CTIF: variants seen among roughly 807,000 people sequenced by gnomAD.
The protein encoded by CTIF is CBP80/20-dependent translation initiation factor.
In CTIF, 21 loss-of-function variants were observed where a neutral mutation model predicts 66.0. The ratio of observed to expected loss-of-function variants is 0.32; its 90% CI spans 0.23 to 0.46. The LOEUF is 0.46. Among genes scored for constraint, CTIF ranks in the 20% least tolerant of loss-of-function variants. The probability of loss-of-function intolerance (pLI) is 1.00; values close to 1 mark genes in which losing one functional copy is unlikely to be tolerated. For synonymous variants in CTIF, 345 were observed against 326.4 expected (o/e 1.06, Z -0.62); for missense variants, 739 against 812.7 (o/e 0.91, Z 1.10).
chr18:48,548,786 T>C (rs1015320885), intron 1 of CTIF, among the ~76,000 whole-genome samples: 3 of 152,240 alleles, frequency 2.0e-5, no homozygotes, highest in African/African-American at 7.2e-5. Flanking sequence ...CTCAGTTTAG[T>C]GGACACACAT....
chr18:48,784,774 G>A (rs1911556506), intron 9 of CTIF, among the ~76,000 whole-genome samples: 1 of 152,116 alleles, frequency 6.6e-6, no homozygotes, highest in Non-Finnish European at 1.5e-5. Flanking sequence ...GAGGTGGGGG[G>A]ACTACCTGTA....
At chr18:48,615,848 G>T (rs1184922730) in intron 1 of CTIF, among the ~76,000 whole-genome samples, 2 of 152,230 alleles carry the variant, frequency 1.3e-5, no homozygotes, top group Non-Finnish European at 2.9e-5. Flanking sequence ...CACTAGAGTA[G>T]AAGGAATGGC....
intron 9 of CTIF, among the ~76,000 whole-genome samples, chr18:48,764,187 C>T (rs934915945): frequency 1.3e-5 from 2 of 152,224 alleles, no homozygotes; most frequent in African/African-American, 4.8e-5. Flanking sequence ...TGGCCCTTCT[C>T]CTGTCCCAGC....
intron 6 of CTIF, among the ~76,000 whole-genome samples, chr18:48,672,598 G>T (rs1246845445): frequency 6.6e-6 from 1 of 152,150 alleles, no homozygotes; most frequent in African/African-American, 2.4e-5. Flanking sequence ...GCTTCCTAGA[G>T]ACTTTCTTAG....
At chr18:48,660,361 C>T (rs1315100179) in intron 3 of CTIF, among the ~76,000 whole-genome samples, 1 of 152,252 alleles carries the variant, frequency 6.6e-6, no homozygotes, top group African/African-American at 2.4e-5. Flanking sequence ...CCCCAGGCTT[C>T]TGTTTTTCAC....
At position 48,617,700 on chromosome 18, in the gene CTIF, T is replaced by C. The variant is rs967104773; in HGVS notation, c.-28-1838T>C. Reference sequence around the variant, plus strand: ...TGCCTGTGGCCCTTGCCACCAGATGTGCATAGCCCAATCCCAGCTGACTCC... The same window carrying C: ...TGCCTGTGGCCCTTGCCACCAGATGCGCATAGCCCAATCCCAGCTGACTCC... On this transcript the variant is annotated intron_variant, in intron 1 of 11. Coordinates refer to ENST00000256413, the MANE Select transcript of CTIF (RefSeq NM_014772.3). Among the ~76,000 whole-genome samples, 8 of 152,340 alleles carry C rather than the reference T, an allele frequency of 5.3e-5. No individual in the cohort carries two copies. In the South Asian group the frequency reaches 8.3e-4, roughly 16 times the overall value.
At chr18:48,667,688 C>T (rs1486822456) in intron 5 of CTIF, among the ~76,000 whole-genome samples, 1 of 152,244 alleles carries the variant, frequency 6.6e-6, no homozygotes, top group Non-Finnish European at 1.5e-5. Context: ...CCAGCCACAC[C>T]TGTGTCACCA....
chr18:48,740,142 G>A (rs1319925839), intron 7 of CTIF, among the ~76,000 whole-genome samples: 1 of 152,208 alleles, frequency 6.6e-6, no homozygotes, highest in Non-Finnish European at 1.5e-5. Context: ...CAAAGCCAGG[G>A]CCTGGATGCA....
intron 10 of CTIF, among the ~76,000 whole-genome samples, chr18:48,831,100 G>T (rs1478115344): frequency 6.6e-6 from 1 of 152,262 alleles, no homozygotes; most frequent in Non-Finnish European, 1.5e-5. Context: ...AGTGAGCAGA[G>T]TGGGGCTGGC....
At chr18:48,693,448 C>A (rs2091961751) in intron 6 of CTIF, among the ~76,000 whole-genome samples, 1 of 152,182 alleles carries the variant, frequency 6.6e-6, no homozygotes, top group Non-Finnish European at 1.5e-5. Flanking sequence ...GGAGTGGGAC[C>A]TGGGCATCGA....
chr18:48,825,325 G>A (rs563837388), intron 10 of CTIF, among the ~76,000 whole-genome samples: 2 of 152,232 alleles, frequency 1.3e-5, no homozygotes, highest in African/African-American at 4.8e-5. Context: ...TGTCTCTGAG[G>A]GGTGCCCCCA....
At chr18:48,718,358 A>G (rs968370396) in intron 7 of CTIF, among the ~76,000 whole-genome samples, 1 of 152,226 alleles carries the variant, frequency 6.6e-6, no homozygotes, top group Non-Finnish European at 1.5e-5. Flanking sequence ...GAGATGTATC[A>G]TGGGAATTGG....
intron 6 of CTIF, among the ~76,000 whole-genome samples, chr18:48,690,565 A>G (rs962965455): frequency 6.6e-6 from 1 of 152,144 alleles, no homozygotes; most frequent in African/African-American, 2.4e-5. Context: ...TGAGTACAGA[A>G]GGGCCAGGTC....
At chr18:48,614,381 C>T (rs1227377742) in intron 1 of CTIF, among the ~76,000 whole-genome samples, 1 of 152,210 alleles carries the variant, frequency 6.6e-6, no homozygotes, top group Non-Finnish European at 1.5e-5. Flanking sequence ...TAAACAGGGA[C>T]TCAGAGGGAT....
intron 3 of CTIF, among the ~76,000 whole-genome samples, chr18:48,642,173 G>A (rs778378994): frequency 7.9e-5 from 12 of 152,194 alleles, no homozygotes; most frequent in East Asian, 1.9e-4. Flanking sequence ...CAGCAGATGC[G>A]TCTGAGTGGG....
chr18:48,667,327 A>C (rs1463326129), intron 5 of CTIF, among the ~76,000 whole-genome samples: 1 of 152,240 alleles, frequency 6.6e-6, no homozygotes, highest in Admixed American at 6.5e-5. Flanking sequence ...AGGGTTAAAT[A>C]AAGTCAATGC....
intron 10 of CTIF, chr18:48,834,589 G>C (rs572860320): frequency 6.6e-6 from 1 of 152,512 alleles, no homozygotes; most frequent in Non-Finnish European, 1.5e-5. Context: ...CCCAGGTGAT[G>C]CTGATGCCGT....
chr18:48,705,101 G>A lies in CTIF; in HGVS notation c.508-6518G>A, dbSNP rs115281669. Among the ~76,000 whole-genome samples the A allele has an allele frequency of 7.2e-3, 1,098 of 152,366 alleles. 16 individuals are homozygous for A. Among genetic ancestry groups the A allele is most frequent in the African/African-American group, 0.025 (1,038 of 41,582 alleles). On this transcript the variant is annotated intron_variant, in intron 6 of 11. Transcript: ENST00000256413. ...TAACTCCACTGTGGTCTCCAGGGAA[G>A]CAGGTTCATCCTTCAGGGAGGGTGG...
At chr18:48,719,714 C>G (rs574543772) in intron 7 of CTIF, among the ~76,000 whole-genome samples, 3 of 152,316 alleles carry the variant, frequency 2.0e-5, no homozygotes, top group African/African-American at 7.2e-5. Context: ...AGCAAGCACC[C>G]TTCTCATGGT....
Sources: allele counts gnomAD v4.1 joint callset (sites outside exome capture counted in the v4.1 genomes callset), GRCh38; gene constraint gnomAD v4.1.1; transcripts MANE v1.5; gene names NCBI Gene and HGNC (gene_info 2026-07-23, HGNC 2026-07-21).